The following GPRC5D variants were observed in gnomAD, a reference collection of about 807,000 sequenced individuals.
GPRC5D encodes the protein G protein-coupled receptor family C group 5 member D.
Under a neutral mutation model 29.3 loss-of-function variants are expected in GPRC5D, and 20 were observed. The observed-to-expected ratio is 0.68, with a 90% CI of 0.48 to 0.99. The LOEUF (loss-of-function observed/expected upper bound fraction) is 0.99, where lower values mean the gene tolerates loss of function less well. Ranked by LOEUF, GPRC5D falls within the 50% of genes least tolerant of loss-of-function variation. The pLI is 0.00. For synonymous variants in GPRC5D, 178 were observed against 171.3 expected, an observed-to-expected ratio of 1.04 and a Z score of -0.30; for missense variants, 384 against 423.6, an observed-to-expected ratio of 0.91 and a Z score of 0.82.
At chr12:12,949,921 C>T (rs1373939425) in exon 1 of GPRC5D, 2 of 1,612,996 alleles carry the variant, frequency 1.2e-6, no homozygotes, top group Non-Finnish European at 8.5e-7. Flanking sequence ...AAACATCATA[C>T]CTCTGGTCAT....
At chr12:12,942,721 C>T (rs948528408) in intron 1 of GPRC5D, among the ~76,000 whole-genome samples, 4 of 151,826 alleles carry the variant, frequency 2.6e-5, no homozygotes, top group Non-Finnish European at 4.4e-5. Context: ...GGTGACACAG[C>T]GAGACTAAAT....
upstream of GPRC5D, among the ~76,000 whole-genome samples, chr12:12,951,883 A>G (rs1464904368): frequency 6.6e-6 from 1 of 152,230 alleles, no homozygotes; most frequent in African/African-American, 2.4e-5. Flanking sequence ...AGAATTGTAC[A>G]AAATGGTCCC....
rs575397392 is a variant in GPRC5D, at chr12:12,946,444, C to T, written c.895+3046G>A. 9.4e-5 allele frequency among the ~76,000 whole-genome samples: 14 copies of T among 149,510 alleles called. 1 individual carries two copies. The East Asian group carries it at 1.6e-3, about 17-fold the overall frequency. ...TCTCTCTCTTTCTCTCTTTCTCTCT[C>T]TCTCTCTCTCTTTCTCTCTTTCTTT... On this transcript the variant is annotated intron_variant, in intron 1 of 2. Transcript: ENST00000228887.
chr12:12,947,299 A>G (rs1000505118), intron 1 of GPRC5D: 2 of 152,170 alleles, frequency 1.3e-5, no homozygotes, highest in Non-Finnish European at 2.9e-5. Flanking sequence ...GTTTCAAGTT[A>G]TTGTTATTAT....
At position 12,945,489 on chromosome 12, in the gene GPRC5D, C is replaced by G. The variant is rs545209138; in HGVS notation, c.896-3161G>C. On this transcript the variant is annotated intron_variant, in intron 1 of 2. Coordinates refer to ENST00000228887, the Ensembl canonical transcript of GPRC5D. ...CATTTAAGATTCTCAATTAAAAGAC[C>G]TACTGATTTTATTCTATTTATTTAT... Among the ~76,000 whole-genome samples the G allele has an allele frequency of 2.6e-5, 4 of 152,192 alleles. No homozygotes were observed. The South Asian group carries it at 8.3e-4, about 32-fold the overall frequency.
At chr12:12,950,664 G>A (rs912285610), upstream of GPRC5D, among the ~76,000 whole-genome samples, 19 of 148,058 alleles carry the variant, frequency 1.3e-4, no homozygotes, top group South Asian at 2.2e-4. Flanking sequence ...AAGATTAGCC[G>A]GGTGTGGTGG....
intron 1 of GPRC5D, chr12:12,947,205 ATTGT>A (rs2136500863): frequency 6.6e-6 from 1 of 152,304 alleles, no homozygotes; most frequent in South Asian, 2.1e-4. Flanking sequence ...CAGTACCATG[ATTGT>A]TTCTTGAGCA....
At chr12:12,946,954 A>C (rs1242516823) in intron 1 of GPRC5D, 3 of 152,212 alleles carry the variant, frequency 2.0e-5, no homozygotes, top group Admixed American at 1.3e-4. Context: ...GAATTTCGAG[A>C]GAGAACTTGG....
intron 1 of GPRC5D, chr12:12,948,121 G>A (rs1863401300): frequency 2.6e-5 from 4 of 152,044 alleles, no homozygotes; most frequent in Non-Finnish European, 5.9e-5. Flanking sequence ...AAAGCTCAGT[G>A]TATTTTGGTT....
exon 1 of GPRC5D, chr12:12,949,980 A>G: frequency 6.2e-7 from 1 of 1,614,156 alleles, no homozygotes; most frequent in Non-Finnish European, 8.5e-7. Flanking sequence ...ACAGACTGCA[A>G]CCAATAGCAA....
At chr12:12,949,425 A>C in intron 1 of GPRC5D, 65 bp downstream of exon 2, 1 of 1,397,206 alleles carries the variant, frequency 7.2e-7, no homozygotes, top group Admixed American at 2.1e-5. Flanking sequence ...ATCCTACTGC[A>C]TGATTTTTCT....
At chr12:12,946,611 T>C (rs1253636392) in intron 1 of GPRC5D, among the ~76,000 whole-genome samples, 1 of 151,756 alleles carries the variant, frequency 6.6e-6, no homozygotes, top group Admixed American at 6.6e-5. Flanking sequence ...TGCGTCACCA[T>C]GCCCAACTAA....
upstream of GPRC5D, among the ~76,000 whole-genome samples, chr12:12,951,109 GAAAACA>G (rs1344101190): frequency 1.3e-5 from 2 of 152,098 alleles, no homozygotes; most frequent in African/African-American, 4.8e-5. Flanking sequence ...GACGCTGTCT[GAAAACA>G]AAAACCGAAA....
Position 12,944,063 on chromosome 12 carries a change from A to C in GPRC5D, c.896-1735T>G, listed in dbSNP as rs554694193. Among the ~76,000 whole-genome samples the C allele has an allele frequency of 1.9e-4, 29 of 152,096 alleles. No individual in the cohort carries two copies. In the South Asian group the frequency reaches 5.8e-3, roughly 31 times the overall value. ...TCGGAGCCTGGGCACATGCGGCCCG[A>C]TTCTGCACTCTTTCCACTGCCCTTT... On this transcript the variant is annotated intron_variant, in intron 1 of 2. Coordinates refer to ENST00000228887, the Ensembl canonical transcript of GPRC5D.
intron 1 of GPRC5D, among the ~76,000 whole-genome samples, chr12:12,946,298 TC>T (rs1565478349): frequency 9.9e-5 from 3 of 30,220 alleles, no homozygotes; most frequent in African/African-American, 3.5e-4. Context: ...CTTTCTTCCT[TC>T]CTTCCTTCCT....
At chr12:12,945,607 T>G (rs893762211) in intron 1 of GPRC5D, among the ~76,000 whole-genome samples, 4 of 152,222 alleles carry the variant, frequency 2.6e-5, no homozygotes, top group African/African-American at 9.6e-5. Context: ...TATCATCAAC[T>G]AATTAATGAA....
exon 1 of GPRC5D, chr12:12,949,657 C>T: frequency 3.1e-6 from 5 of 1,614,198 alleles, no homozygotes; most frequent in Middle Eastern, 1.6e-4. Flanking sequence ...CAGAGCAATG[C>T]AGACGACCGG....
chr12:12,944,813 C>CTTT (rs1555109523), intron 1 of GPRC5D, among the ~76,000 whole-genome samples: 1 of 7,834 alleles, frequency 1.3e-4, no homozygotes, highest in African/African-American at 2.2e-4. Flanking sequence ...TTCCTTCCTT[C>CTTT]CTTCCTTCCT....
At position 12,950,240 on chromosome 12, in the gene GPRC5D, G is replaced by T. The variant is rs763009543; in HGVS notation, c.145C>A (p.Arg49=). The T allele has an allele frequency of 5.0e-6, 8 of 1,614,008 alleles. No homozygotes were observed. The East Asian group carries it at 1.3e-4, about 27-fold the overall frequency. The change falls in exon 1 of 3, where the codon CGA becomes AGA. Residue 49 remains arginine, a synonymous_variant. Transcript: ENST00000228887. ...CACTGGCTGCAGTCTTGGATCTTTC[G>T]CATGAGGAAGAGAAATGCTAAGAGT...
Sources: gnomAD v4.1 joint callset for allele counts (sites outside exome capture counted in the v4.1 genomes callset) on GRCh38, gnomAD v4.1.1 for gene constraint, MANE v1.5 for transcripts, NCBI Gene and HGNC (gene_info 2026-07-23, HGNC 2026-07-21) for gene names.